Variants in RNF19A observed in about 807,000 individuals in gnomAD.
RNF19A encodes ring finger protein 19A, RBR E3 ubiquitin protein ligase.
In RNF19A, 32 loss-of-function variants were observed where a neutral mutation model predicts 75.7. The observed-to-expected ratio is 0.42, with a 90% CI of 0.32 to 0.57. RNF19A has a LOEUF of 0.57. RNF19A is among the 20% of genes least tolerant of loss of function. The probability of loss-of-function intolerance (pLI) is 0.10; values close to 1 mark genes in which losing one functional copy is unlikely to be tolerated. For missense variants in RNF19A, 782 were observed against 1,036.3 expected (o/e 0.75, Z 3.37); for synonymous variants, 335 against 345.2 (o/e 0.97, Z 0.33).
chr8:100,259,574 AACCATCACCACTACCTAACTTCAG>A lies in RNF19A; in HGVS notation c.1826+256_1826+279del, dbSNP rs1216522989. ...TTTTTAGTTGTGATCAGAGCTGTGC[AACCATCACCACTACCTAACTTCAG>A]AACATTTTCATGATCCCAAAAAGGG... On this transcript the variant is annotated intron_variant, in intron 9 of 9. Transcript: ENST00000341084. This position sits in a 1 kb window ranked among gnomAD's most constrained non-coding sequence, Gnocchi z 4.5. 2.0e-5 allele frequency among the ~76,000 whole-genome samples: 3 copies of A among 152,286 alleles called. No individual in the cohort carries two copies. The highest frequency in any genetic ancestry group is 4.4e-5 in the Non-Finnish European group (3 of 68,014).
Position 100,268,772 on chromosome 8 carries a change from G to A in RNF19A, c.1191+13C>T, listed in dbSNP as rs1395296699. The A allele has an allele frequency of 1.3e-6, 2 of 1,507,356 alleles. No homozygotes were observed. The highest frequency in any genetic ancestry group is 2.5e-5 in the East Asian group (1 of 39,712). 93.4% of individuals were successfully genotyped at this position (1,507,356 alleles called of 1,614,324 possible). On this transcript the variant is annotated intron_variant, in intron 5 of 9. Coordinates refer to ENST00000341084, the MANE Select transcript of RNF19A (RefSeq NM_183419.4). ...GAATAAGATAATGGACTAACAAGAA[G>A]TATGCATTTTACCTTGCGGCCCACA...
Position 100,269,824 on chromosome 8 carries a change from T to A in RNF19A, c.1028+45A>T. Reference sequence around the variant, plus strand: ...TAAGACAAGTTATTTTGTCTTACAATATAAAATTACATTTACATATAAATA... The same window carrying A: ...TAAGACAAGTTATTTTGTCTTACAAAATAAAATTACATTTACATATAAATA... On this transcript the variant is annotated intron_variant, in intron 4 of 9. Transcript: ENST00000341084. The surrounding 1 kb of genome is among the most constrained non-coding windows in gnomAD (Gnocchi z 5.7). 7.0e-7 allele frequency: 1 copy of A among 1,433,558 alleles called. No homozygotes were observed. The highest frequency in any genetic ancestry group is 9.3e-7 in the Non-Finnish European group (1 of 1,073,340). 88.8% of individuals were successfully genotyped at this position (1,433,558 alleles called of 1,614,324 possible).
chr8:100,276,936 A>G (rs1400131947), intron 2 of RNF19A, among the ~76,000 whole-genome samples: 1 of 151,996 alleles, frequency 6.6e-6, no homozygotes, highest in Non-Finnish European at 1.5e-5. Context: ...CCTGGTTCTG[A>G]TATTGTTCTA....
At chr8:100,266,602 A>G (rs1819991406) in intron 5 of RNF19A, among the ~76,000 whole-genome samples, 1 of 152,006 alleles carries the variant, frequency 6.6e-6, no homozygotes, top group Non-Finnish European at 1.5e-5. Flanking sequence ...CCTCAACCTC[A>G]CGGGCTCAAT....
chr8:100,277,181 G>A (rs1218384382), intron 2 of RNF19A, among the ~76,000 whole-genome samples: 11 of 152,166 alleles, frequency 7.2e-5, no homozygotes, highest in Non-Finnish European at 1.6e-4. Context: ...GGAGTTTTCA[G>A]AGCTGTCAAT....
Position 100,264,692 on chromosome 8 carries a change from C to T in RNF19A, c.1285G>A (p.Val429Ile), listed in dbSNP as rs1394728710. The change falls in exon 6 of 10, where the codon GTA (valine) becomes ATA (isoleucine). Residue 429 changes from valine (V) to isoleucine (I), a missense_variant. Transcript: ENST00000341084. This position sits in a 1 kb window ranked among gnomAD's most constrained non-coding sequence, Gnocchi z 4.7. ...TTACCTACAGTCACTGCAGCTACTA[C>T]TGGAGACACGATTACAGACAACGTT... ...GVTLSVIVSP[V>I]VAAVTVGIGV... is the part of the protein sequence containing the mutation. The T allele has an allele frequency of 6.2e-7, 1 of 1,612,616 alleles. No individual in the cohort carries two copies. The highest frequency in any genetic ancestry group is 1.7e-5 in the Admixed American group (1 of 59,924).
At chr8:100,280,599 A>C (rs921797921) in intron 2 of RNF19A, among the ~76,000 whole-genome samples, 2 of 152,252 alleles carry the variant, frequency 1.3e-5, no homozygotes, top group African/African-American at 4.8e-5. Flanking sequence ...TACTTTAATA[A>C]TACTGACCAA....
At chr8:100,312,674 G>A (rs1016203841), upstream of RNF19A, among the ~76,000 whole-genome samples, 28 of 151,938 alleles carry the variant, frequency 1.8e-4, no homozygotes, top group African/African-American at 5.8e-4. Context: ...CTGTAATCCC[G>A]GCACTTTGGG....
At chr8:100,266,183 T>G (rs1819963369) in intron 5 of RNF19A, among the ~76,000 whole-genome samples, 1 of 152,246 alleles carries the variant, frequency 6.6e-6, no homozygotes, top group Non-Finnish European at 1.5e-5. Flanking sequence ...AAGTGAAGGC[T>G]CAGCTTTTGG....
At chr8:100,289,014 T>C (rs924400273) in intron 1 of RNF19A, among the ~76,000 whole-genome samples, 5 of 146,142 alleles carry the variant, frequency 3.4e-5, no homozygotes, top group Non-Finnish European at 5.9e-5. Context: ...GAGCCGAGAT[T>C]GCGCCGCTGC....
At chr8:100,310,946 T>C (rs186506414), upstream of RNF19A, among the ~76,000 whole-genome samples, 110 of 152,346 alleles carry the variant, frequency 7.2e-4, no homozygotes, top group African/African-American at 2.6e-3. Context: ...AAATTCCGTC[T>C]GGGCCTGGTG....
chr8:100,329,460 C>T lies in RNF19A; in HGVS notation c.-243+6648G>A, dbSNP rs952872782. Among the ~76,000 whole-genome samples the T allele has an allele frequency of 6.6e-6, 1 of 151,778 alleles. No individual in the cohort carries two copies. The highest frequency in any genetic ancestry group is 6.6e-5 in the Admixed American group (1 of 15,244). ...AAACAAAACAAAACAAACAAACAAA[C>T]AAAAAAAGTCAGTGAATCTTAGGTT... On this transcript the variant is annotated intron_variant, in intron 1 of 3. Coordinates refer to the RNF19A transcript ENST00000519527. This position sits in a 1 kb window ranked among gnomAD's most constrained non-coding sequence, Gnocchi z 4.3.
chr8:100,281,176 G>A (rs1262744034), intron 2 of RNF19A, among the ~76,000 whole-genome samples: 1 of 152,120 alleles, frequency 6.6e-6, no homozygotes, highest in South Asian at 2.1e-4. Context: ...GCTTAACCTA[G>A]GAGTGGATGG....
intron 1 of RNF19A, among the ~76,000 whole-genome samples, chr8:100,308,384 T>C (rs1435007495): frequency 6.6e-6 from 1 of 152,216 alleles, no homozygotes; most frequent in Non-Finnish European, 1.5e-5. Flanking sequence ...TCTAAATTTT[T>C]ACCATGAAAC....
At chr8:100,265,643 A>G (rs905542958) in intron 5 of RNF19A, among the ~76,000 whole-genome samples, 1 of 152,200 alleles carries the variant, frequency 6.6e-6, no homozygotes, top group Admixed American at 6.5e-5. Flanking sequence ...TATAAACAAT[A>G]CTACAGATGG....
At chr8:100,279,469 G>T (rs1324737175) in intron 2 of RNF19A, among the ~76,000 whole-genome samples, 1 of 152,122 alleles carries the variant, frequency 6.6e-6, no homozygotes, top group Non-Finnish European at 1.5e-5. Flanking sequence ...CACCTCCCAG[G>T]TTCAAGTGAT....
chr8:100,260,002 A>C lies in RNF19A; in HGVS notation c.1683-5T>G, dbSNP rs1039875073. ...ACATCTGCTTGTACTTCCAACCTTA[A>C]AGGGGGGTATGAAATCACCAAAATT... is the stretch of plus-strand genomic sequence containing the variant. On this transcript the variant is annotated splice_polypyrimidine_tract_variant and splice_region_variant and intron_variant, in intron 8 of 9. Transcript: ENST00000341084. This position sits in a 1 kb window ranked among gnomAD's most constrained non-coding sequence, Gnocchi z 4.1. 30 of 1,612,654 alleles carry C rather than the reference A, an allele frequency of 1.9e-5. No homozygotes were observed. Among genetic ancestry groups the C allele is most frequent in the Non-Finnish European group, 2.5e-5 (29 of 1,179,238 alleles).
At chr8:100,278,581 TTATC>T (rs1820632525) in intron 2 of RNF19A, among the ~76,000 whole-genome samples, 2 of 152,154 alleles carry the variant, frequency 1.3e-5, no homozygotes, top group African/African-American at 4.8e-5. Context: ...TGAGAGTGCT[TTATC>T]TATATAAATT....
intron 2 of RNF19A, among the ~76,000 whole-genome samples, chr8:100,279,655 C>T (rs1238403377): frequency 6.6e-6 from 1 of 152,180 alleles, no homozygotes; most frequent in Non-Finnish European, 1.5e-5. Flanking sequence ...CAGGTTCAAG[C>T]TCAGATTACA....
Sources: allele counts gnomAD v4.1 joint callset (sites outside exome capture counted in the v4.1 genomes callset), GRCh38; gene constraint gnomAD v4.1.1; non-coding constraint Gnocchi (gnomAD v3.1); transcripts MANE v1.5; gene names NCBI Gene and HGNC (gene_info 2026-07-23, HGNC 2026-07-21).